Variants in ANKRD22 observed in about 807,000 individuals in gnomAD.
The protein encoded by ANKRD22 is ankyrin repeat domain 22, also known as ankyrin repeat domain-containing protein 22.
A neutral mutation model predicts 25.7 loss-of-function variants in ANKRD22; 24 were observed. The ratio of observed to expected loss-of-function variants is 0.93; its 90% CI spans 0.68 to 1.31. The LOEUF is 1.31. ANKRD22 is among the 50% of genes most tolerant of loss of function. ANKRD22 has a pLI of 0.00. For synonymous variants in ANKRD22, 84 were observed against 84.3 expected, an observed-to-expected ratio of 1.00 and a Z score of 0.02; for missense variants, 214 against 227.1, an observed-to-expected ratio of 0.94 and a Z score of 0.37.
intron 1 of ANKRD22, among the ~76,000 whole-genome samples, chr10:88,837,282 A>C (rs544463283): frequency 1.3e-5 from 2 of 152,340 alleles, no homozygotes; most frequent in Admixed American, 1.3e-4. Context: ...GAAAGAATTA[A>C]ATGTAACTGT....
At chr10:88,844,000 T>A (rs1283908420) in intron 1 of ANKRD22, among the ~76,000 whole-genome samples, 1 of 152,076 alleles carries the variant, frequency 6.6e-6, no homozygotes, top group Non-Finnish European at 1.5e-5. Context: ...CCGACATTTT[T>A]AAAAATTATA....
rs1843801835 is a variant in ANKRD22 at position 88,822,054 on chromosome 10, G to A, written c.*887C>T. The A allele has an allele frequency of 1.3e-5, 2 of 152,158 alleles. No individual in the cohort carries two copies. The highest frequency in any genetic ancestry group is 2.4e-5 in the African/African-American group (1 of 41,442). The allele number at this position is 152,158 out of a possible 1,614,324, so 9.4% of individuals were successfully genotyped here. A position where few individuals can be genotyped will look rare whatever the true frequency, so the allele number is the denominator to read the frequency against. ...TGGCAACCACCTTGTATTTACAAAA[G>A]GATCATGAAGATTTTTTTAAACGAA... is the stretch of plus-strand genomic sequence containing the variant. On this transcript the variant is annotated 3_prime_UTR_variant, in exon 6 of 6. Transcript: ENST00000371930.
At chr10:88,839,881 G>T (rs926873350) in intron 1 of ANKRD22, among the ~76,000 whole-genome samples, 1 of 152,084 alleles carries the variant, frequency 6.6e-6, no homozygotes, top group East Asian at 1.9e-4. Flanking sequence ...TTTAAAACAC[G>T]ACCCAGGCCC....
chr10:88,830,148 T>C (rs958843190), intron 2 of ANKRD22, among the ~76,000 whole-genome samples: 10 of 152,346 alleles, frequency 6.6e-5, no homozygotes, highest in African/African-American at 2.2e-4. Flanking sequence ...TGCTCATTCA[T>C]AAATTTTTGT....
At chr10:88,834,979 G>A (rs978432664) in intron 1 of ANKRD22, among the ~76,000 whole-genome samples, 3 of 151,942 alleles carry the variant, frequency 2.0e-5, no homozygotes, top group African/African-American at 7.3e-5. Context: ...TGCTAACACT[G>A]GGCCCATATT....
Position 88,820,366 on chromosome 10 carries a change from G to A in ANKRD22, c.*2575C>T, listed in dbSNP as rs1308139564. ...AGGTGACCAACCTCATCTACCATAA[G>A]AATATTCCTGAATGGGCTCACGTGG... On this transcript the variant is annotated 3_prime_UTR_variant, in exon 6 of 6. Coordinates refer to ENST00000371930, the MANE Select transcript of ANKRD22 (RefSeq NM_144590.3). 2.6e-6 allele frequency: 4 copies of A among 1,552,304 alleles called. No individual in the cohort carries two copies. The highest frequency in any genetic ancestry group is 3.5e-6 in the Non-Finnish European group (4 of 1,147,144).
At chr10:88,849,124 T>A (rs1844080524) in intron 1 of ANKRD22, among the ~76,000 whole-genome samples, 1 of 152,036 alleles carries the variant, frequency 6.6e-6, no homozygotes, top group Admixed American at 6.6e-5. Context: ...AAGAAACGCT[T>A]TTTGGGGCCT....
chr10:88,829,040 G>T (rs1329764444), intron 2 of ANKRD22, among the ~76,000 whole-genome samples: 2 of 152,154 alleles, frequency 1.3e-5, no homozygotes, highest in Non-Finnish European at 2.9e-5. Context: ...CCATGTGTAC[G>T]ATTATCCATT....
In ANKRD22 at chr10:88,851,797, C is replaced by T; in HGVS notation, c.-190G>A. 3.3e-6 allele frequency: 2 copies of T among 614,126 alleles called. No individual in the cohort carries two copies. The highest frequency in any genetic ancestry group is 3.7e-5 in the South Asian group (2 of 54,290). 38.0% of individuals were successfully genotyped at this position (614,126 alleles called of 1,614,324 possible). ...TCCAGCAGCTCAGGCAGCAGCACAC[C>T]TTCCAGAGAGCCCAGCCCAATGAAA... On this transcript the variant is annotated 5_prime_UTR_variant, in exon 1 of 6. Transcript: ENST00000371930.
chr10:88,845,710 A>T (rs1476783134), intron 1 of ANKRD22, among the ~76,000 whole-genome samples: 1 of 152,146 alleles, frequency 6.6e-6, no homozygotes, highest in African/African-American at 2.4e-5. Context: ...AGTCTAATGC[A>T]ACCATCATTA....
rs1246029217 is a variant in ANKRD22, at chr10:88,851,618, C to A, written c.-11G>T. The A allele has an allele frequency of 6.2e-7, 1 of 1,613,322 alleles. No individual in the cohort carries two copies. Among genetic ancestry groups the A allele is most frequent in the African/African-American group, 1.3e-5 (1 of 75,008 alleles). ...GTATAGGATTCCCATGCTGGTCCTTCACAGGCTTACTTCACCTCTACAGCT... is the reference window on the plus strand; with the variant it reads ...GTATAGGATTCCCATGCTGGTCCTTAACAGGCTTACTTCACCTCTACAGCT... On this transcript the variant is annotated 5_prime_UTR_variant, in exon 1 of 6. Coordinates refer to ENST00000371930, the MANE Select transcript of ANKRD22 (RefSeq NM_144590.3).
intron 4 of ANKRD22, among the ~76,000 whole-genome samples, chr10:88,825,810 C>T (rs1233878660): frequency 6.6e-6 from 1 of 151,996 alleles, no homozygotes; most frequent in South Asian, 2.1e-4. Flanking sequence ...ACATTAAAGC[C>T]AATTATTTTA....
intron 4 of ANKRD22, among the ~76,000 whole-genome samples, chr10:88,824,814 C>T (rs963016692): frequency 1.3e-5 from 2 of 152,106 alleles, no homozygotes; most frequent in Non-Finnish European, 2.9e-5. Context: ...AATGAAAAGA[C>T]CAAGAAAAAC....
chr10:88,837,093 A>T (rs1843961082), intron 1 of ANKRD22, among the ~76,000 whole-genome samples: 4 of 152,198 alleles, frequency 2.6e-5, no homozygotes, highest in Admixed American at 2.6e-4. Context: ...AACGTTCCAC[A>T]CGTTTGTAGG....
chr10:88,838,367 T>A, intron 1 of ANKRD22, among the ~76,000 whole-genome samples: 1 of 152,234 alleles, frequency 6.6e-6, no homozygotes, highest in East Asian at 1.9e-4. Context: ...AATTCAGTCT[T>A]AATGGGCATC....
intron 1 of ANKRD22, among the ~76,000 whole-genome samples, chr10:88,848,176 A>G (rs954992599): frequency 1.3e-4 from 9 of 69,766 alleles, no homozygotes; most frequent in Non-Finnish European, 2.7e-4. Flanking sequence ...ATATATGTGT[A>G]TATATATATG....
intron 3 of ANKRD22, among the ~76,000 whole-genome samples, chr10:88,828,212 A>C (rs891501093): frequency 6.6e-6 from 1 of 152,198 alleles, no homozygotes; most frequent in Non-Finnish European, 1.5e-5. Context: ...ATCCAAAAAC[A>C]CAAACTCCTC....
intron 1 of ANKRD22, 111 bp downstream of exon 1, chr10:88,851,476 G>A: frequency 8.6e-7 from 1 of 1,168,446 alleles, no homozygotes; most frequent in Non-Finnish European, 1.3e-6. Flanking sequence ...GCTCCCCCAG[G>A]GAGTTGAACA....
At chr10:88,823,568 C>CT (rs1286008595) in intron 4 of ANKRD22, 190 bp from the exon 5 acceptor site, 1 of 512,138 alleles carries the variant, frequency 2.0e-6, no homozygotes, top group Non-Finnish European at 3.5e-6. Flanking sequence ...TGGCTCACGC[C>CT]TGTAATCCCA....
Sources: gnomAD v4.1 joint callset for allele counts (sites outside exome capture counted in the v4.1 genomes callset) on GRCh38, gnomAD v4.1.1 for gene constraint, MANE v1.5 for transcripts, NCBI Gene and HGNC (gene_info 2026-07-23, HGNC 2026-07-21) for gene names.